DPP10: variants seen among roughly 807,000 people sequenced by gnomAD.
DPP10 encodes inactive dipeptidyl peptidase 10.
In DPP10, 33 loss-of-function variants were observed where a neutral mutation model predicts 120.9. The observed-to-expected ratio is 0.27, with a 90% CI of 0.21 to 0.37. The LOEUF (loss-of-function observed/expected upper bound fraction) is 0.37. Ranked by LOEUF, DPP10 falls within the 10% of genes least tolerant of loss-of-function variation. The probability of loss-of-function intolerance (pLI) is 1.00; values close to 1 mark genes in which losing one functional copy is unlikely to be tolerated. For synonymous variants in DPP10, 337 were observed against 326.1 expected (o/e 1.03, Z -0.36); for missense variants, 816 against 942.8 (o/e 0.87, Z 1.76).
intron 1 of DPP10, among the ~76,000 whole-genome samples, chr2:114,845,745 A>G (rs867176976): frequency 1.3e-5 from 2 of 152,158 alleles, no homozygotes; most frequent in African/African-American, 2.4e-5. Context: ...AAATATCGCA[A>G]TCGGAATATT....
intron 1 of DPP10, among the ~76,000 whole-genome samples, chr2:115,285,491 A>G (rs1006257844): frequency 5.3e-5 from 8 of 152,080 alleles, no homozygotes; most frequent in Admixed American, 2.6e-4. Context: ...AATGTGTGCA[A>G]GTTACACCGG....
At chr2:114,517,191 A>G (rs1684661364) in intron 1 of DPP10, among the ~76,000 whole-genome samples, 1 of 152,224 alleles carries the variant, frequency 6.6e-6, no homozygotes, top group African/African-American at 2.4e-5. Flanking sequence ...AGATCTAATC[A>G]TTTCACGGAC....
At chr2:115,285,381 G>A (rs746978960) in intron 1 of DPP10, among the ~76,000 whole-genome samples, 7 of 152,008 alleles carry the variant, frequency 4.6e-5, no homozygotes, top group African/African-American at 1.4e-4. Context: ...AATAATGAAC[G>A]TAAAATAGGG....
chr2:114,938,814 T>C (rs1696681113), intron 1 of DPP10, among the ~76,000 whole-genome samples: 1 of 151,628 alleles, frequency 6.6e-6, no homozygotes, highest in Non-Finnish European at 1.5e-5. Context: ...ATAGTAAGCT[T>C]CTTATCCCTT....
At chr2:114,565,374 A>G (rs1558886235) in intron 1 of DPP10, among the ~76,000 whole-genome samples, 2 of 152,196 alleles carry the variant, frequency 1.3e-5, no homozygotes, top group Non-Finnish European at 2.9e-5. Flanking sequence ...GCTTTGTCTT[A>G]CCACATTGCC....
chr2:115,511,448 CT>C (rs2077218774), intron 4 of DPP10, among the ~76,000 whole-genome samples: 1 of 151,810 alleles, frequency 6.6e-6, no homozygotes. Context: ...TAATTTGAAT[CT>C]TGTTATTTTT....
intron 5 of DPP10, among the ~76,000 whole-genome samples, chr2:115,658,702 T>TA (rs1179244626): frequency 1.3e-5 from 2 of 152,142 alleles, no homozygotes; most frequent in Admixed American, 1.3e-4. Flanking sequence ...TCTATTGACT[T>TA]AAACAAATAA....
chr2:115,047,665 G>T (rs1427884857), intron 1 of DPP10, among the ~76,000 whole-genome samples: 1 of 151,940 alleles, frequency 6.6e-6, no homozygotes, highest in Non-Finnish European at 1.5e-5. Context: ...GAAAAGAAAT[G>T]CTCAGTTGTA....
At chr2:114,754,752 T>G (rs1435017867) in intron 1 of DPP10, among the ~76,000 whole-genome samples, 2 of 152,178 alleles carry the variant, frequency 1.3e-5, no homozygotes, top group African/African-American at 4.8e-5. Context: ...AAGCATTGAT[T>G]TTTCTCAGGA....
At chr2:115,382,354 G>C (rs1041689328) in intron 3 of DPP10, among the ~76,000 whole-genome samples, 16 of 152,318 alleles carry the variant, frequency 1.1e-4, no homozygotes, top group Admixed American at 7.8e-4. Context: ...TCTTTGACTA[G>C]GAAAGGGAAC....
intron 1 of DPP10, among the ~76,000 whole-genome samples, chr2:114,780,753 CAT>C (rs1196134598): frequency 2.6e-5 from 4 of 151,892 alleles, no homozygotes. Flanking sequence ...GATTTATTGA[CAT>C]GAGTAGAATA....
At chr2:115,524,619 C>A (rs1327077096) in intron 4 of DPP10, among the ~76,000 whole-genome samples, 1 of 152,128 alleles carries the variant, frequency 6.6e-6, no homozygotes, top group Non-Finnish European at 1.5e-5. Flanking sequence ...CAGCTCTTCT[C>A]TCCTACCAGA....
At chr2:115,484,180 G>A (rs1485268470) in intron 3 of DPP10, among the ~76,000 whole-genome samples, 1 of 150,850 alleles carries the variant, frequency 6.6e-6, no homozygotes, top group Non-Finnish European at 1.5e-5. Flanking sequence ...ACACATACAT[G>A]TGCACATAGT....
rs573292245 is a variant in DPP10, at chr2:115,373,837, G to A, written c.271+29925G>A. Among the ~76,000 whole-genome samples, 14 of 151,056 alleles carry A rather than the reference G, an allele frequency of 9.3e-5. No homozygotes were observed. In the South Asian group the frequency reaches 1.7e-3, roughly 18 times the overall value. Reference sequence around the variant, plus strand: ...TGAGGCTTCAGGAAACTTACAATTCGGGCAGAAAATGAAGGGGAAGCAAGC... The same window carrying A: ...TGAGGCTTCAGGAAACTTACAATTCAGGCAGAAAATGAAGGGGAAGCAAGC... On this transcript the variant is annotated intron_variant, in intron 3 of 25. Coordinates refer to ENST00000410059, the MANE Select transcript of DPP10 (RefSeq NM_020868.6).
chr2:115,809,114 C>T (rs977265291), intron 19 of DPP10, among the ~76,000 whole-genome samples: 3 of 152,162 alleles, frequency 2.0e-5, no homozygotes, highest in African/African-American at 7.2e-5. Context: ...TAATTCCTTA[C>T]ATGATGAAGT....
At chr2:115,391,343 T>C (rs1327770840) in intron 3 of DPP10, among the ~76,000 whole-genome samples, 1 of 152,120 alleles carries the variant, frequency 6.6e-6, no homozygotes, top group Non-Finnish European at 1.5e-5. Context: ...ATAGCACCCA[T>C]AGAGAGTGAT....
intron 7 of DPP10, among the ~76,000 whole-genome samples, chr2:115,716,975 A>C (rs1346790199): frequency 6.6e-6 from 1 of 152,248 alleles, no homozygotes; most frequent in Non-Finnish European, 1.5e-5. Flanking sequence ...TGTTATAAGA[A>C]TTTTGGAATC....
At chr2:114,583,307 G>A (rs568512795) in intron 1 of DPP10, among the ~76,000 whole-genome samples, 2 of 152,180 alleles carry the variant, frequency 1.3e-5, no homozygotes, top group Non-Finnish European at 2.9e-5. Flanking sequence ...CTGGCCTATG[G>A]CCTAGTGGTC....
intron 7 of DPP10, among the ~76,000 whole-genome samples, chr2:115,690,229 T>C (rs943558973): frequency 1.3e-5 from 2 of 152,158 alleles, no homozygotes; most frequent in South Asian, 4.1e-4. Context: ...TACATAATAT[T>C]GTCAGTTTTC....
Sources: gnomAD v4.1 joint callset for allele counts (sites outside exome capture counted in the v4.1 genomes callset) on GRCh38, gnomAD v4.1.1 for gene constraint, MANE v1.5 for transcripts, NCBI Gene and HGNC (gene_info 2026-07-23, HGNC 2026-07-21) for gene names.